Variants in CEP112 observed in about 807,000 individuals in gnomAD.
The protein encoded by CEP112 is centrosomal protein 112, also known as centrosomal protein of 112 kDa.
A neutral mutation model predicts 153.0 loss-of-function variants in CEP112; 127 were observed. The observed-to-expected ratio is 0.83, with a 90% confidence interval of 0.72 to 0.96. The LOEUF is 0.96. CEP112 is among the 40% of genes least tolerant of loss of function. The probability of loss-of-function intolerance (pLI) is 0.00; values close to 1 mark genes in which losing one functional copy is unlikely to be tolerated. For missense variants in CEP112, 1,089 were observed against 1,101.2 expected (o/e 0.99, Z 0.16); for synonymous variants, 358 against 374.4 (o/e 0.96, Z 0.51).
intron 18 of CEP112, among the ~76,000 whole-genome samples, chr17:65,953,653 T>C (rs1326257873): frequency 7.5e-6 from 1 of 133,668 alleles, no homozygotes; most frequent in African/African-American, 2.6e-5. Context: ...CTGAGGGCTG[T>C]GTGGGAGCAG....
intron 24 of CEP112, among the ~76,000 whole-genome samples, chr17:65,666,925 T>C (rs2046722829): frequency 6.6e-6 from 1 of 152,218 alleles, no homozygotes; most frequent in Non-Finnish European, 1.5e-5. Flanking sequence ...CAATGAGTAA[T>C]TCCTTCTCTT....
intron 12 of CEP112, among the ~76,000 whole-genome samples, chr17:66,030,280 G>T (rs1391320374): frequency 6.6e-6 from 1 of 152,116 alleles, no homozygotes; most frequent in African/African-American, 2.4e-5. Flanking sequence ...ACTGAGGCTG[G>T]TAATATTCAA....
At chr17:65,999,868 G>C (rs961084564) in intron 17 of CEP112, among the ~76,000 whole-genome samples, 1 of 152,056 alleles carries the variant, frequency 6.6e-6, no homozygotes, top group East Asian at 1.9e-4. Context: ...ATGGCCTCCA[G>C]CTCTAGTCAT....
In CEP112 at chr17:66,029,207, A is replaced by G; in HGVS notation, c.1419T>C (p.Tyr473=). 6.2e-7 allele frequency: 1 copy of G among 1,611,696 alleles called. No homozygotes were observed. The highest frequency in any genetic ancestry group is 2.2e-5 in the East Asian group (1 of 44,720). Residue 473 remains tyrosine, a synonymous_variant, in exon 14 of 27, where the codon TAT becomes TAC. Transcript: ENST00000535342. ...HKEKDHLVND[Y]EQNMKLLQTK... ...TTTGTAACAGTTTCATGTTTTGCTCATAATCATTTACAAGATGGTCCTTCT... is the reference window on the plus strand; with the variant it reads ...TTTGTAACAGTTTCATGTTTTGCTCGTAATCATTTACAAGATGGTCCTTCT...
At chr17:66,058,263 A>G (rs1245777831) in intron 11 of CEP112, among the ~76,000 whole-genome samples, 1 of 152,174 alleles carries the variant, frequency 6.6e-6, no homozygotes, top group Non-Finnish European at 1.5e-5. Context: ...AATATATGAA[A>G]TTAGGGAATT....
intron 23 of CEP112, among the ~76,000 whole-genome samples, chr17:65,722,681 T>A (rs150156475): frequency 1.1e-3 from 175 of 152,350 alleles, no homozygotes; most frequent in African/African-American, 4.2e-3. Context: ...AATACTCTGC[T>A]TATTAAGCTT....
chr17:65,728,501 G>A (rs936588618), intron 23 of CEP112, among the ~76,000 whole-genome samples: 5 of 152,224 alleles, frequency 3.3e-5, no homozygotes, highest in African/African-American at 1.2e-4. Flanking sequence ...TATGACTATA[G>A]GGCCTGGAGC....
At chr17:65,875,515 T>C (rs1473196135) in intron 20 of CEP112, among the ~76,000 whole-genome samples, 1 of 152,164 alleles carries the variant, frequency 6.6e-6, no homozygotes, top group African/African-American at 2.4e-5. Flanking sequence ...AATTAATTTA[T>C]TCACAATCCA....
chr17:65,731,055 T>C (rs573560512), intron 23 of CEP112, among the ~76,000 whole-genome samples: 1 of 152,192 alleles, frequency 6.6e-6, no homozygotes, highest in Admixed American at 6.5e-5. Context: ...TTCCACAGTC[T>C]CTTTAAAGAA....
chr17:65,990,425 A>C lies in CEP112; in HGVS notation c.1736+15265T>G, dbSNP rs73340603. On this transcript the variant is annotated intron_variant, in intron 17 of 26. Transcript: ENST00000535342. Reference sequence around the variant, plus strand: ...AAAACAGTTTTGAATTGCTGATGCCACTCCTCCCCCATCCACCAGCCAGAT... The same window carrying C: ...AAAACAGTTTTGAATTGCTGATGCCCCTCCTCCCCCATCCACCAGCCAGAT... Among the ~76,000 whole-genome samples the C allele has an allele frequency of 9.7e-3, 1,469 of 152,180 alleles. 34 individuals are homozygous for C. The highest frequency in any genetic ancestry group is 0.033 in the African/African-American group (1,382 of 41,520).
At chr17:65,978,567 T>C (rs559037566) in intron 17 of CEP112, among the ~76,000 whole-genome samples, 143 of 152,352 alleles carry the variant, frequency 9.4e-4, no homozygotes, top group Non-Finnish European at 1.5e-3. Flanking sequence ...AGGATAAATA[T>C]ATTAAAACCA....
At chr17:66,053,934 G>A in intron 11 of CEP112, 55 bp from the exon 12 acceptor site, 1 of 1,461,386 alleles carries the variant, frequency 6.8e-7, no homozygotes, top group Non-Finnish European at 9.3e-7. Context: ...TGACTATTTT[G>A]TAATTCAGCG....
rs56059206 is a variant in CEP112, at chr17:66,188,584, G to GTT, written c.-9+3411_-9+3412dup. 6.5e-3 allele frequency among the ~76,000 whole-genome samples: 957 copies of GTT among 147,944 alleles called. 6 individuals carry two copies. Among genetic ancestry groups the GTT allele is most frequent in the East Asian group, 0.024 (118 of 4,852 alleles). On this transcript the variant is annotated intron_variant, in intron 1 of 26. Transcript: ENST00000535342. ...ATCTGTGTACAGCATTTATCATGCT[G>GTT]TTTTTTTTTTTTTTTACACATCTGT...
intron 20 of CEP112, among the ~76,000 whole-genome samples, chr17:65,875,526 T>C (rs1055283932): frequency 2.0e-5 from 3 of 152,128 alleles, no homozygotes; most frequent in African/African-American, 4.8e-5. Context: ...TCACAATCCA[T>C]TGATTTTCTG....
intron 24 of CEP112, among the ~76,000 whole-genome samples, chr17:65,646,378 C>T (rs1421916603): frequency 6.6e-6 from 1 of 152,180 alleles, no homozygotes; most frequent in East Asian, 1.9e-4. Context: ...GAAAATATTA[C>T]TACCCTGAAT....
intron 20 of CEP112, among the ~76,000 whole-genome samples, chr17:65,866,446 C>T (rs992911035): frequency 6.6e-6 from 1 of 152,248 alleles, no homozygotes; most frequent in African/African-American, 2.4e-5. Context: ...AGGAGGCAGA[C>T]AGGCTTCTGG....
intron 16 of CEP112, among the ~76,000 whole-genome samples, chr17:66,022,756 C>T (rs995225371): frequency 1.4e-5 from 2 of 143,162 alleles, no homozygotes; most frequent in Non-Finnish European, 3.1e-5. Flanking sequence ...AGTAAAAATA[C>T]TGATTTTAAA....
chr17:66,035,891 A>C (rs1304460817), intron 12 of CEP112, among the ~76,000 whole-genome samples: 2 of 152,196 alleles, frequency 1.3e-5, no homozygotes, highest in African/African-American at 2.4e-5. Flanking sequence ...CAGCCGAAAA[A>C]CTGAGCTCCC....
At chr17:66,052,161 C>T (rs2066468311) in intron 12 of CEP112, among the ~76,000 whole-genome samples, 1 of 152,144 alleles carries the variant, frequency 6.6e-6, no homozygotes, top group African/African-American at 2.4e-5. Flanking sequence ...TTTGACTTTA[C>T]GACAGTGCAA....
Sources: allele counts gnomAD v4.1 joint callset (sites outside exome capture counted in the v4.1 genomes callset), GRCh38; gene constraint gnomAD v4.1.1; transcripts MANE v1.5; gene names NCBI Gene and HGNC (gene_info 2026-07-23, HGNC 2026-07-21).